SIRPG: variants seen among roughly 807,000 people sequenced by gnomAD.
SIRPG encodes the protein signal-regulatory protein gamma.
SIRPG carries 38 observed loss-of-function variants against 35.7 expected under a neutral mutation model. The observed-to-expected ratio is 1.06, with a 90% CI of 0.82 to 1.40. The LOEUF is 1.40. SIRPG is among the 40% of genes most tolerant of loss of function. The pLI, the probability that SIRPG is intolerant of heterozygous loss-of-function variation, is 0.00. For missense variants in SIRPG, 519 were observed against 483.0 expected (o/e 1.07, Z -0.70); for synonymous variants, 215 against 190.4 (o/e 1.13, Z -1.06).
In SIRPG at chr20:1,635,449, A is replaced by G; in HGVS notation, c.899T>C (p.Leu300Pro). ...NVCQRETAST[L>P]TENKDGTYNW... ...GTAGGTACCATCCTTGTTCTCTGTA[A>G]GGGTCGAGGCTGTTTCTCTCTGGCA... Residue 300 changes from leucine (L) to proline (P), a missense_variant, in exon 4 of 6, where the codon CTT becomes CCT. Coordinates refer to ENST00000303415, the MANE Select transcript of SIRPG (RefSeq NM_018556.4). The G allele has an allele frequency of 1.2e-6, 2 of 1,614,072 alleles. No individual in the cohort carries two copies. Among genetic ancestry groups the G allele is most frequent in the Non-Finnish European group, 1.7e-6 (2 of 1,179,988 alleles).
intron 4 of SIRPG, chr20:1,630,555 C>A: frequency 2.2e-6 from 1 of 450,154 alleles, no homozygotes; most frequent in Non-Finnish European, 3.9e-6. Context: ...GGTGTGTACT[C>A]AGGTATTCAT....
At chr20:1,683,645 C>T in the SIRPG span, among the ~76,000 whole-genome samples, 2 of 151,994 alleles carry the variant, frequency 1.3e-5, no homozygotes, top group African/African-American at 4.8e-5. Context: ...AGACAAATAC[C>T]ACATGGTCTC....
intron 1 of SIRPG, among the ~76,000 whole-genome samples, chr20:1,655,984 T>C (rs539815851): frequency 4.6e-5 from 7 of 152,198 alleles, no homozygotes; most frequent in African/African-American, 1.7e-4. Flanking sequence ...TGGCTTATCA[T>C]GTTAGTATAT....
Position 1,636,321 on chromosome 20 carries a change from G to C in SIRPG, c.615C>G (p.Tyr205Ter), listed in dbSNP as rs781588891. Reference protein sequence around the residue: ...NVDPTGQSVAYSIRSTARVVL... With the variant: ...NVDPTGQSVA ...CCACCCTGGCTGTGCTGCGGATGCTGTAGGCCACACTCTGTCCTGTGGGGT... is the reference window on the plus strand; with the variant it reads ...CCACCCTGGCTGTGCTGCGGATGCTCTAGGCCACACTCTGTCCTGTGGGGT... The change falls in exon 3 of 6, where the codon TAC becomes TAG. Residue 205 changes from tyrosine (Y) to a stop codon, truncating the protein, a stop_gained. Coordinates refer to ENST00000303415, the MANE Select transcript of SIRPG (RefSeq NM_018556.4). LOFTEE classifies it high-confidence loss of function. 1 of 1,614,132 alleles carries C rather than the reference G, an allele frequency of 6.2e-7. No individual in the cohort carries two copies.
At chr20:1,629,729 G>C (rs1197995031) in intron 5 of SIRPG, 93 bp from the exon 6 acceptor site, 2 of 158,548 alleles carry the variant, frequency 1.3e-5, no homozygotes, top group Admixed American at 1.3e-4. Context: ...GGTCTCCTGG[G>C]ATACCTGTCA....
At chr20:1,683,102 T>A in the SIRPG span, among the ~76,000 whole-genome samples, 1 of 152,150 alleles carries the variant, frequency 6.6e-6, no homozygotes, top group South Asian at 2.1e-4. Flanking sequence ...TGAATAGACA[T>A]TTCTCAAAAG....
intron 2 of SIRPG, chr20:1,646,268 T>C (rs2091896716): frequency 6.6e-6 from 1 of 152,248 alleles, no homozygotes; most frequent in African/African-American, 2.4e-5. Flanking sequence ...GCCTCCCTCC[T>C]GGGTGCCCAG....
the SIRPG span, among the ~76,000 whole-genome samples, chr20:1,673,271 C>T: frequency 2.0e-5 from 3 of 152,128 alleles, no homozygotes; most frequent in East Asian, 5.8e-4. Context: ...GAGCCTGATG[C>T]TGCCTGCTCC....
intron 3 of SIRPG, 109 bp downstream of exon 3, chr20:1,636,079 G>T (rs2091797517): frequency 4.0e-6 from 6 of 1,501,256 alleles, no homozygotes; most frequent in Non-Finnish European, 5.5e-6. Context: ...GGGCAGTATA[G>T]TCAGGGATTA....
the SIRPG span, among the ~76,000 whole-genome samples, chr20:1,668,397 T>C: frequency 0.68 from 103,655 of 151,628 alleles, 35,768 homozygotes; most frequent in East Asian, 0.86. Context: ...ATTCTTCTGC[T>C]TCAGCTTCCG....
the SIRPG span, among the ~76,000 whole-genome samples, chr20:1,664,593 C>T: frequency 6.6e-6 from 1 of 152,188 alleles, no homozygotes; most frequent in African/African-American, 2.4e-5. Flanking sequence ...TGTGTGAAGA[C>T]TCCACTCTGG....
chr20:1,684,139 T>C, the SIRPG span, among the ~76,000 whole-genome samples: 2 of 152,160 alleles, frequency 1.3e-5, no homozygotes, highest in Non-Finnish European at 2.9e-5. Flanking sequence ...TGAATTGTAT[T>C]GTTGAAAATT....
chr20:1,633,863 A>C (rs139594013), intron 4 of SIRPG: 2 of 152,396 alleles, frequency 1.3e-5, no homozygotes, highest in Non-Finnish European at 2.9e-5. Flanking sequence ...AATGCCCAGC[A>C]GAAGAGGACT....
chr20:1,658,453 G>C (rs998972219), upstream of SIRPG, among the ~76,000 whole-genome samples: 11 of 152,132 alleles, frequency 7.2e-5, no homozygotes, highest in African/African-American at 2.7e-4. Flanking sequence ...ATTATGGTGG[G>C]CAGGTTCCTG....
the SIRPG span, chr20:1,676,800 G>C: frequency 4.6e-6 from 1 of 217,430 alleles, no homozygotes; most frequent in Non-Finnish European, 9.5e-6. Flanking sequence ...GGAACAGGGA[G>C]GTCGCAGTGC....
chr20:1,681,258 C>T, the SIRPG span, among the ~76,000 whole-genome samples: 1 of 152,210 alleles, frequency 6.6e-6, no homozygotes, highest in South Asian at 2.1e-4. Flanking sequence ...CTAGCAGCAG[C>T]TGCAGAAATC....
intron 2 of SIRPG, chr20:1,637,064 T>C (rs1600201228): frequency 5.9e-6 from 1 of 168,714 alleles, no homozygotes; most frequent in African/African-American, 2.4e-5. Flanking sequence ...GAAGTTTTGC[T>C]TTGGATCAAA....
intron 1 of SIRPG, 56 bp from the exon 2 acceptor site, chr20:1,649,464 T>C: frequency 6.8e-7 from 1 of 1,467,836 alleles, no homozygotes; most frequent in Non-Finnish European, 9.2e-7. Context: ...CTGTATTTCC[T>C]CATGTTTATC....
At position 1,649,076 on chromosome 20, in the gene SIRPG, G is replaced by C. The variant is rs895636620; in HGVS notation, c.406C>G (p.Pro136Ala). 8.7e-6 allele frequency: 14 copies of C among 1,613,578 alleles called. No homozygotes were observed. The African/African-American group carries it at 1.3e-4, about 15-fold the overall frequency. The change falls in exon 2 of 6, where the codon CCA (proline) becomes GCA (alanine). Residue 136 changes from proline to alanine, a missense_variant. Pro to Ala is a conservative substitution (Grantham distance 27, BLOSUM62 -1). Coordinates refer to ENST00000303415, the MANE Select transcript of SIRPG (RefSeq NM_018556.4). ...SPENVEFKSGPGTEMALGAKP... is the reference protein window; with the variant it reads ...SPENVEFKSGAGTEMALGAKP... ...CCACCCAAAGCCATCTCAGTGCCTGGTCCAGACTTAAACTCCACGTTCTCA... is the reference window on the plus strand; with the variant it reads ...CCACCCAAAGCCATCTCAGTGCCTGCTCCAGACTTAAACTCCACGTTCTCA...
Sources: allele counts gnomAD v4.1 joint callset (sites outside exome capture counted in the v4.1 genomes callset), GRCh38; gene constraint gnomAD v4.1.1; transcripts MANE v1.5; gene names NCBI Gene and HGNC (gene_info 2026-07-23, HGNC 2026-07-21).